Variants in CEP192 observed in about 807,000 individuals in gnomAD.
The protein encoded by CEP192 is centrosomal protein 192, also known as centrosomal protein of 192 kDa.
Under a neutral mutation model 271.8 loss-of-function variants are expected in CEP192, and 151 were observed. The ratio of observed to expected loss-of-function variants is 0.56; its 90% CI spans 0.49 to 0.64. CEP192 has a LOEUF of 0.64. Ranked by LOEUF, CEP192 falls within the 30% of genes least tolerant of loss-of-function variation. The pLI is 0.00. For missense variants in CEP192, 2,910 were observed against 3,020.5 expected, an observed-to-expected ratio of 0.96 and a Z score of 0.86; for synonymous variants, 995 against 1,076.5, an observed-to-expected ratio of 0.92 and a Z score of 1.48.
At chr18:13,059,037 C>A in intron 20 of CEP192, 45 bp from the exon 21 acceptor site, 1 of 1,219,164 alleles carries the variant, frequency 8.2e-7, no homozygotes, top group Non-Finnish European at 1.2e-6. Flanking sequence ...ACTTGATTTT[C>A]AGTGTGAAGC....
chr18:13,103,441 C>A, intron 38 of CEP192, 68 bp from the exon 39 acceptor site: 1 of 1,247,422 alleles, frequency 8.0e-7, no homozygotes, highest in Non-Finnish European at 1.2e-6. Flanking sequence ...GTAGTTAGGC[C>A]TGTCACAGTC....
At chr18:13,027,301 C>T (rs1389223000) in intron 9 of CEP192, among the ~76,000 whole-genome samples, 1 of 152,138 alleles carries the variant, frequency 6.6e-6, no homozygotes, top group Non-Finnish European at 1.5e-5. Flanking sequence ...CCTTTCTCCT[C>T]CCCATACTGG....
intron 11 of CEP192, among the ~76,000 whole-genome samples, chr18:13,034,450 C>T (rs1195911940): frequency 1.3e-5 from 2 of 152,224 alleles, no homozygotes; most frequent in Non-Finnish European, 2.9e-5. Flanking sequence ...AATCTTGTAA[C>T]GTCCAAGTCA....
At chr18:13,117,081 G>A (rs920360313) in intron 43 of CEP192, among the ~76,000 whole-genome samples, 7 of 150,916 alleles carry the variant, frequency 4.6e-5, no homozygotes, top group African/African-American at 1.2e-4. Flanking sequence ...AAAATTAACC[G>A]GGCATGGTGG....
intron 11 of CEP192, among the ~76,000 whole-genome samples, chr18:13,035,110 CA>C (rs1598418301): frequency 6.6e-6 from 1 of 152,122 alleles, no homozygotes; most frequent in Non-Finnish European, 1.5e-5. Flanking sequence ...GACAAGATAA[CA>C]GTGTTAATAT....
chr18:13,106,853 T>A (rs918229766), intron 40 of CEP192, among the ~76,000 whole-genome samples: 3 of 152,228 alleles, frequency 2.0e-5, no homozygotes, highest in Admixed American at 6.5e-5. Flanking sequence ...TATGATTGAC[T>A]ACGTTGCTTA....
chr18:13,041,434 G>A (rs972887657), intron 14 of CEP192, among the ~76,000 whole-genome samples: 1 of 152,024 alleles, frequency 6.6e-6, no homozygotes, highest in African/African-American at 2.4e-5. Context: ...AGTTGTATAA[G>A]ATATGCTGCA....
intron 30 of CEP192, among the ~76,000 whole-genome samples, chr18:13,086,609 G>A (rs2038909924): frequency 6.6e-6 from 1 of 152,188 alleles, no homozygotes; most frequent in East Asian, 1.9e-4. Context: ...AGGAGCTGCA[G>A]ACAGGATCTG....
In CEP192 at chr18:13,089,576, C is replaced by A; in HGVS notation, c.6103+11C>A. On this transcript the variant is annotated intron_variant, in intron 33 of 44. Transcript: ENST00000506447. ...TATTAGTAACTGAAGGTAAGAATTC[C>A]GGCGTGTCTTGATGTATTAAATCTT... The A allele has an allele frequency of 1.5e-6, 2 of 1,298,404 alleles. No homozygotes were observed. Among genetic ancestry groups the A allele is most frequent in the Non-Finnish European group, 2.2e-6 (2 of 902,412 alleles). The allele number at this position is 1,298,404 out of a possible 1,614,324, so 80.4% of individuals were successfully genotyped here.
At chr18:12,996,680 A>G (rs976418589) in intron 1 of CEP192, among the ~76,000 whole-genome samples, 1 of 152,168 alleles carries the variant, frequency 6.6e-6, no homozygotes, top group African/African-American at 2.4e-5. Flanking sequence ...GGAAAGCAGC[A>G]GCTTGGTGGA....
rs58118079 is a variant in CEP192 at position 13,005,668 on chromosome 18, C to A, written c.291-2788C>A. 7.3e-3 allele frequency among the ~76,000 whole-genome samples: 1,108 copies of A among 152,186 alleles called. 13 individuals carry two copies. Among genetic ancestry groups the A allele is most frequent in the African/African-American group, 0.025 (1,049 of 41,516 alleles). On this transcript the variant is annotated intron_variant, in intron 3 of 44. Coordinates refer to ENST00000506447, the MANE Select transcript of CEP192 (RefSeq NM_032142.4). ...CTCTTGACTCTTGAATAGTCTGAAGCCCTGAGTTGCTGGTCTGAGTATAGG... is the reference window on the plus strand; with the variant it reads ...CTCTTGACTCTTGAATAGTCTGAAGACCTGAGTTGCTGGTCTGAGTATAGG...
rs141218685 is a variant in CEP192, at chr18:13,047,768, G to A, written c.2068-1091G>A. Among the ~76,000 whole-genome samples the A allele has an allele frequency of 1.7e-3, 257 of 152,186 alleles. 3 individuals carry two copies. The highest frequency in any genetic ancestry group is 5.9e-3 in the African/African-American group (247 of 41,540). ...GGCCTATTTCAGTTTTTTACTCATGGTTCCTATTTATGTCTTTCTTATAAG... is the reference window on the plus strand; with the variant it reads ...GGCCTATTTCAGTTTTTTACTCATGATTCCTATTTATGTCTTTCTTATAAG... On this transcript the variant is annotated intron_variant, in intron 15 of 44. Coordinates refer to ENST00000506447, the MANE Select transcript of CEP192 (RefSeq NM_032142.4).
chr18:13,011,326 C>G (rs1007173442), intron 4 of CEP192, among the ~76,000 whole-genome samples: 3 of 151,886 alleles, frequency 2.0e-5, no homozygotes, highest in Non-Finnish European at 2.9e-5. Context: ...AAAATAACGT[C>G]TTTGTGAGGA....
At chr18:13,100,197 T>A in intron 37 of CEP192, 108 bp from the exon 38 acceptor site, 1 of 723,070 alleles carries the variant, frequency 1.4e-6, no homozygotes, top group Non-Finnish European at 2.3e-6. Context: ...TTTATTGATG[T>A]TTTGTTTGTT....
intron 38 of CEP192, among the ~76,000 whole-genome samples, chr18:13,102,466 T>C (rs2144910473): frequency 6.6e-6 from 1 of 152,154 alleles, no homozygotes; most frequent in Admixed American, 6.5e-5. Flanking sequence ...ACCCTTTCCT[T>C]GTGGCTACCC....
intron 1 of CEP192, among the ~76,000 whole-genome samples, chr18:12,992,164 A>T (rs2032901582): frequency 6.6e-6 from 1 of 151,968 alleles, no homozygotes; most frequent in South Asian, 2.1e-4. Context: ...CCATATTTCC[A>T]TTTGCTCTTA....
chr18:13,004,754 G>A (rs969007422), intron 3 of CEP192, among the ~76,000 whole-genome samples: 7 of 152,204 alleles, frequency 4.6e-5, no homozygotes, highest in Non-Finnish European at 2.9e-5. Context: ...CAACTTGAGG[G>A]CCGTGGGCGT....
intron 9 of CEP192, among the ~76,000 whole-genome samples, chr18:13,022,857 C>A (rs2035071917): frequency 1.3e-5 from 2 of 152,108 alleles, no homozygotes; most frequent in African/African-American, 2.4e-5. Context: ...TCTTTTATTT[C>A]TTTCTCAGAG....
chr18:13,092,544 G>T lies in CEP192; in HGVS notation c.6254+17G>T, dbSNP rs1318700818. 3.2e-6 allele frequency: 5 copies of T among 1,569,230 alleles called. No individual in the cohort carries two copies. The highest frequency in any genetic ancestry group is 4.3e-6 in the Non-Finnish European group (5 of 1,158,802). The stretch of plus-strand genomic sequence containing the variant: ...ATCTACAAGGTAAAATAAATGAACA[G>T]AAATCTTTCACCAGATTTCAGGATG... On this transcript the variant is annotated intron_variant, in intron 34 of 44. Coordinates refer to ENST00000506447, the MANE Select transcript of CEP192 (RefSeq NM_032142.4).
Sources: gnomAD v4.1 joint callset for allele counts (sites outside exome capture counted in the v4.1 genomes callset) on GRCh38, gnomAD v4.1.1 for gene constraint, MANE v1.5 for transcripts, NCBI Gene and HGNC (gene_info 2026-07-23, HGNC 2026-07-21) for gene names.